The following GOLIM4 variants were observed in gnomAD, a reference collection of about 807,000 sequenced individuals.
GOLIM4 encodes the protein 130 kDa golgi-localized phosphoprotein.
A neutral mutation model predicts 107.4 loss-of-function variants in GOLIM4; 71 were observed. The observed-to-expected ratio is 0.66, with a 90% CI of 0.55 to 0.81. GOLIM4 has a LOEUF of 0.81. GOLIM4 is among the 30% of genes least tolerant of loss of function. The pLI is 0.00. For synonymous variants in GOLIM4, 327 were observed against 294.8 expected (o/e 1.11, Z -1.12); for missense variants, 830 against 826.1 (o/e 1.00, Z -0.06).
At chr3:168,067,427 AACACACACGCACACAC>A (rs1720606181) in intron 1 of GOLIM4, among the ~76,000 whole-genome samples, 1 of 151,338 alleles carries the variant, frequency 6.6e-6, no homozygotes, top group Non-Finnish European at 1.5e-5. Context: ...GGGGCCACCA[AACACACACGCACACAC>A]ACACACCACA....
intron 1 of GOLIM4, among the ~76,000 whole-genome samples, chr3:168,069,613 T>A (rs746168766): frequency 6.6e-6 from 1 of 152,230 alleles, no homozygotes; most frequent in Non-Finnish European, 1.5e-5. Flanking sequence ...CTATTTAACA[T>A]TGCCACCTAA....
chr3:168,012,033 C>G (rs1210706268), intron 14 of GOLIM4, among the ~76,000 whole-genome samples: 1 of 133,886 alleles, frequency 7.5e-6, no homozygotes. Flanking sequence ...CAGAACAAAG[C>G]TGGATGGAGA....
Position 168,029,291 on chromosome 3 carries a change from T to C in GOLIM4, c.1445A>G (p.His482Arg). 1 of 1,604,952 alleles carries C rather than the reference T, an allele frequency of 6.2e-7. No homozygotes were observed. The highest frequency in any genetic ancestry group is 1.1e-5 in the South Asian group (1 of 89,646). Residue 482 changes from histidine to arginine, a missense_variant, in exon 11 of 16, where the codon CAT becomes CGT. Physicochemically the swap from His to Arg is conservative, Grantham distance 29. Coordinates refer to ENST00000470487, the MANE Select transcript of GOLIM4 (RefSeq NM_014498.5). ...QHQEQLRQQAHYDAMDNDIVQ... is the reference protein window; with the variant it reads ...QHQEQLRQQARYDAMDNDIVQ... ...GATATCATTATCCATAGCATCATAA[T>C]GAGCTTGCTGCCTACAAGAGACACA...
chr3:168,008,869 CTGA>C lies in GOLIM4; in HGVS notation c.*1397_*1399del, dbSNP rs1716823667. ...GTTTTTATACATAAAGGTAAGATTT[CTGA>C]TTATTGGAAATACAAAGTACAACTG... On this transcript the variant is annotated 3_prime_UTR_variant, in exon 16 of 16. Transcript: ENST00000470487. 6.6e-6 allele frequency: 1 copy of C among 152,036 alleles called. No individual in the cohort carries two copies. Among genetic ancestry groups the C allele is most frequent in the African/African-American group, 2.4e-5 (1 of 41,510 alleles). 9.4% of individuals were successfully genotyped at this position (152,036 alleles called of 1,614,324 possible). A position where few individuals can be genotyped will look rare whatever the true frequency, so the allele number is the denominator to read the frequency against.
intron 8 of GOLIM4, 65 bp from the exon 9 acceptor site, chr3:168,032,917 G>T: frequency 8.0e-7 from 1 of 1,257,196 alleles, no homozygotes. Flanking sequence ...GTAATTTCTT[G>T]ATTTCCATGT....
chr3:168,077,298 T>C (rs1045452272), intron 1 of GOLIM4, among the ~76,000 whole-genome samples: 7 of 152,292 alleles, frequency 4.6e-5, no homozygotes, highest in Admixed American at 3.9e-4. Context: ...CCATTAACGT[T>C]TGGCCAATGG....
intron 14 of GOLIM4, among the ~76,000 whole-genome samples, chr3:168,014,728 G>A (rs1178595149): frequency 1.4e-5 from 2 of 139,298 alleles, no homozygotes; most frequent in African/African-American, 6.2e-5. Context: ...TGCAAGGCTG[G>A]TTCAATATAC....
At chr3:168,068,355 C>T (rs1000237090) in intron 1 of GOLIM4, among the ~76,000 whole-genome samples, 2 of 151,840 alleles carry the variant, frequency 1.3e-5, no homozygotes, top group Admixed American at 1.3e-4. Flanking sequence ...TCATTCAACA[C>T]TTTGTGTAAG....
intron 11 of GOLIM4, among the ~76,000 whole-genome samples, chr3:168,028,169 A>T (rs1263968241): frequency 3.3e-5 from 5 of 152,246 alleles, no homozygotes; most frequent in Non-Finnish European, 7.3e-5. Flanking sequence ...CTGCTGAAGA[A>T]ATCAACTAAT....
At chr3:168,054,243 G>C (rs77267966) in intron 1 of GOLIM4, among the ~76,000 whole-genome samples, 1,736 of 152,196 alleles carry the variant, frequency 0.011, 37 homozygotes, top group African/African-American at 0.04. Context: ...GCCCAGGCCT[G>C]GGGGGGCAAA....
intron 14 of GOLIM4, among the ~76,000 whole-genome samples, chr3:168,018,704 T>A (rs1278278973): frequency 6.6e-6 from 1 of 152,240 alleles, no homozygotes; most frequent in African/African-American, 2.4e-5. Flanking sequence ...AAGGTCTGAC[T>A]AATTGAAACG....
intron 1 of GOLIM4, among the ~76,000 whole-genome samples, chr3:168,058,483 C>A (rs1278223078): frequency 1.3e-5 from 2 of 152,198 alleles, no homozygotes. Flanking sequence ...GGATTCTTCT[C>A]TTAGCTGCCC....
chr3:168,041,594 A>G lies in GOLIM4; in HGVS notation c.518-120T>C. ...TTAGAATTTATTTTGAACTCAGACA[A>G]TATAATATTCAAAATCAACAAAAAT... On this transcript the variant is annotated intron_variant, in intron 5 of 15. Transcript: ENST00000470487. 3 of 581,654 alleles carry G rather than the reference A, an allele frequency of 5.2e-6. No individual in the cohort carries two copies. In the East Asian group the frequency reaches 8.5e-5, roughly 16 times the overall value. The allele number at this position is 581,654 out of a possible 1,614,324, so 36.0% of individuals were successfully genotyped here.
chr3:168,041,353 G>A (rs758612982), intron 6 of GOLIM4, 39 bp downstream of exon 6: 2 of 1,139,330 alleles, frequency 1.8e-6, no homozygotes, highest in East Asian at 4.7e-5. Flanking sequence ...AAATAAAGCA[G>A]GCAAACACTA....
chr3:168,066,203 G>A (rs1720537201), intron 1 of GOLIM4, among the ~76,000 whole-genome samples: 1 of 151,734 alleles, frequency 6.6e-6, no homozygotes, highest in African/African-American at 2.4e-5. Flanking sequence ...CAAAGTATCT[G>A]AAAATGATTA....
intron 1 of GOLIM4, among the ~76,000 whole-genome samples, chr3:168,049,068 G>A (rs1388427273): frequency 6.6e-6 from 1 of 152,204 alleles, no homozygotes; most frequent in African/African-American, 2.4e-5. Flanking sequence ...GTTCGGTTCT[G>A]TAAGACCTTT....
chr3:168,050,165 C>G (rs1268604551), intron 1 of GOLIM4, among the ~76,000 whole-genome samples: 1 of 152,130 alleles, frequency 6.6e-6, no homozygotes, highest in African/African-American at 2.4e-5. Context: ...CAATATAACT[C>G]TATATCTATG....
At chr3:168,068,813 CTTTAATTTAT>C (rs1720682428) in intron 1 of GOLIM4, among the ~76,000 whole-genome samples, 1 of 150,814 alleles carries the variant, frequency 6.6e-6, no homozygotes, top group African/African-American at 2.4e-5. Flanking sequence ...CTTTTCTGCA[CTTTAATTTAT>C]TTTATTTTAT....
Position 168,070,939 on chromosome 3 carries a change from A to G in GOLIM4, c.188-22574T>C, listed in dbSNP as rs375243558. ...TTTTCTACTCTAACTTGCTAAATCT[A>G]TTCTAAGATTAGTCCTTTTTAATTC... On this transcript the variant is annotated intron_variant, in intron 1 of 15. Transcript: ENST00000470487. 3.9e-5 allele frequency among the ~76,000 whole-genome samples: 6 copies of G among 152,264 alleles called. No individual in the cohort carries two copies. The East Asian group carries it at 9.7e-4, about 25-fold the overall frequency.
Sources: allele counts gnomAD v4.1 joint callset (sites outside exome capture counted in the v4.1 genomes callset), GRCh38; gene constraint gnomAD v4.1.1; transcripts MANE v1.5; gene names NCBI Gene and HGNC (gene_info 2026-07-23, HGNC 2026-07-21).